Variants in PAG1 observed in about 807,000 individuals in gnomAD.
PAG1 encodes the protein phosphoprotein membrane anchor with glycosphingolipid microdomains 1.
PAG1 carries 23 observed loss-of-function variants against 31.7 expected under a neutral mutation model. That is an observed-to-expected ratio of 0.73 (90% CI 0.52 to 1.03). The LOEUF is 1.03. PAG1 is among the 50% of genes least tolerant of loss of function. The probability of loss-of-function intolerance (pLI) is 0.00; values close to 1 mark genes in which losing one functional copy is unlikely to be tolerated. For synonymous variants in PAG1, 214 were observed against 210.3 expected (o/e 1.02, Z -0.15); for missense variants, 473 against 540.7 (o/e 0.87, Z 1.24).
chr8:81,090,768 A>G (rs1041711540), intron 1 of PAG1, among the ~76,000 whole-genome samples: 2 of 152,234 alleles, frequency 1.3e-5, no homozygotes, highest in African/African-American at 4.8e-5. Flanking sequence ...TTATATAACT[A>G]GAACACAGAT....
intron 1 of PAG1, among the ~76,000 whole-genome samples, chr8:81,101,209 T>A (rs1277435467): frequency 6.6e-6 from 1 of 152,242 alleles, no homozygotes; most frequent in Non-Finnish European, 1.5e-5. Flanking sequence ...AAAGCTGTTA[T>A]CCATATTGTA....
At chr8:81,024,694 ATGTT>A (rs1239715628) in intron 3 of PAG1, among the ~76,000 whole-genome samples, 1 of 152,176 alleles carries the variant, frequency 6.6e-6, no homozygotes, top group Non-Finnish European at 1.5e-5. Flanking sequence ...TTTTAGGAAA[ATGTT>A]TGTTTTTAGT....
intron 1 of PAG1, among the ~76,000 whole-genome samples, chr8:81,093,253 A>G (rs1160841141): frequency 6.6e-6 from 1 of 152,174 alleles, no homozygotes; most frequent in African/African-American, 2.4e-5. Context: ...GGATGCAGCT[A>G]GAATTGGGGA....
At chr8:81,061,823 C>G (rs1192060607) in intron 2 of PAG1, among the ~76,000 whole-genome samples, 1 of 152,086 alleles carries the variant, frequency 6.6e-6, no homozygotes, top group African/African-American at 2.4e-5. Context: ...GGGAAGTCCT[C>G]TCTGAGAAGG....
At chr8:81,111,275 A>G (rs1809769159) in intron 1 of PAG1, among the ~76,000 whole-genome samples, 1 of 152,182 alleles carries the variant, frequency 6.6e-6, no homozygotes, top group African/African-American at 2.4e-5. Flanking sequence ...GACCCTGCCC[A>G]GCCCCTTCAC....
intron 3 of PAG1, among the ~76,000 whole-genome samples, chr8:81,000,021 G>A (rs953854186): frequency 2.6e-5 from 4 of 152,182 alleles, no homozygotes. Flanking sequence ...AATGCGGTAC[G>A]TTCTACACTG....
chr8:81,081,424 T>C (rs1174054161), intron 1 of PAG1, among the ~76,000 whole-genome samples: 1 of 152,214 alleles, frequency 6.6e-6, no homozygotes, highest in Admixed American at 6.5e-5. Flanking sequence ...GGATCTCATG[T>C]ACCCACTGCT....
intron 1 of PAG1, among the ~76,000 whole-genome samples, chr8:81,092,758 A>AT (rs1360145929): frequency 1.3e-5 from 2 of 152,278 alleles, no homozygotes; most frequent in East Asian, 3.8e-4. Context: ...TACCTATGTC[A>AT]TAAGGACATG....
intron 8 of PAG1, 96 bp from the exon 9 acceptor site, chr8:80,977,002 T>C: frequency 1.8e-6 from 2 of 1,109,100 alleles, no homozygotes; most frequent in Non-Finnish European, 2.6e-6. Flanking sequence ...CCTGGGTTTC[T>C]GTGTGTGTAC....
At chr8:81,011,692 T>C (rs1807987556) in intron 3 of PAG1, among the ~76,000 whole-genome samples, 1 of 152,226 alleles carries the variant, frequency 6.6e-6, no homozygotes, top group Non-Finnish European at 1.5e-5. Flanking sequence ...TGATGGCTAA[T>C]AGATAATGAA....
Position 80,990,598 on chromosome 8 carries a change from G to A in PAG1, c.177+881C>T, listed in dbSNP as rs1044930023. ...GGACTGCTCAGCCATTCAAAAGCAC[G>A]GGCCTGGGTCAGAGAGGACAAGGAA... On this transcript the variant is annotated intron_variant, in intron 5 of 8. Coordinates refer to ENST00000220597, the MANE Select transcript of PAG1 (RefSeq NM_018440.4). The surrounding 1 kb of genome is among the most constrained non-coding windows in gnomAD (Gnocchi z 5.1). Among the ~76,000 whole-genome samples, 2 of 152,234 alleles carry A rather than the reference G, an allele frequency of 1.3e-5. No homozygotes were observed. Among genetic ancestry groups the A allele is most frequent in the Admixed American group, 6.5e-5 (1 of 15,298 alleles).
intron 3 of PAG1, among the ~76,000 whole-genome samples, chr8:81,004,336 T>C (rs960648018): frequency 6.6e-6 from 1 of 152,210 alleles, no homozygotes; most frequent in African/African-American, 2.4e-5. Flanking sequence ...TCTGGAAAGC[T>C]TCTCTGTTTC....
At chr8:81,002,433 A>G (rs1191920115) in intron 3 of PAG1, among the ~76,000 whole-genome samples, 1 of 152,254 alleles carries the variant, frequency 6.6e-6, no homozygotes, top group African/African-American at 2.4e-5. Flanking sequence ...GGGACTGCAC[A>G]GTAAAAGATG....
chr8:81,046,741 C>T (rs1730653576), intron 2 of PAG1, among the ~76,000 whole-genome samples: 4 of 152,054 alleles, frequency 2.6e-5, no homozygotes, highest in Admixed American at 2.0e-4. Flanking sequence ...GTTTATTACA[C>T]AGGTAAACGT....
intron 3 of PAG1, among the ~76,000 whole-genome samples, chr8:81,007,988 A>G (rs1353153750): frequency 6.6e-6 from 1 of 152,192 alleles, no homozygotes; most frequent in Non-Finnish European, 1.5e-5. Context: ...TTTAGGACAA[A>G]AAGAAAACTC....
At position 81,073,715 on chromosome 8, in the gene PAG1, C is replaced by T. The variant is rs148142340; in HGVS notation, c.-233-3545G>A. Among the ~76,000 whole-genome samples, 170 of 152,264 alleles carry T rather than the reference C, an allele frequency of 1.1e-3. 6 individuals are homozygous for T. The East Asian group carries it at 0.031, about 28-fold the overall frequency. On this transcript the variant is annotated intron_variant, in intron 1 of 8. Transcript: ENST00000220597. ...TTCGATATTGACCAAGATGAAATTC[C>T]CTGTCCTATGTATCTTTCTAGTGGA...
At chr8:81,075,428 C>A (rs2130990794) in intron 1 of PAG1, among the ~76,000 whole-genome samples, 1 of 152,338 alleles carries the variant, frequency 6.6e-6, no homozygotes, top group East Asian at 1.9e-4. Context: ...TGAACCCAGA[C>A]ACTACCTCCT....
chr8:81,058,222 C>A (rs1377980184), intron 2 of PAG1, among the ~76,000 whole-genome samples: 4 of 152,066 alleles, frequency 2.6e-5, no homozygotes, highest in Non-Finnish European at 4.4e-5. Flanking sequence ...CAAAAAGGGA[C>A]CTGTAGATTC....
chr8:81,073,062 C>A (rs1809120254), intron 1 of PAG1, among the ~76,000 whole-genome samples: 1 of 152,146 alleles, frequency 6.6e-6, no homozygotes, highest in Non-Finnish European at 1.5e-5. Context: ...TGAGAATGAC[C>A]AGCACAACAT....
Sources: allele counts gnomAD v4.1 joint callset (sites outside exome capture counted in the v4.1 genomes callset), GRCh38; gene constraint gnomAD v4.1.1; non-coding constraint Gnocchi (gnomAD v3.1); transcripts MANE v1.5; gene names NCBI Gene and HGNC (gene_info 2026-07-23, HGNC 2026-07-21).